The following OPHN1 variants were observed in gnomAD, a reference collection of about 807,000 sequenced individuals.
The protein encoded by OPHN1 is oligophrenin-1.
In OPHN1, 11 loss-of-function variants were observed where a neutral mutation model predicts 60.7. The ratio of observed to expected loss-of-function variants is 0.18; its 90% CI spans 0.11 to 0.30. OPHN1 has a LOEUF of 0.30. Among genes scored for constraint, OPHN1 ranks in the 10% least tolerant of loss-of-function variants. The pLI is 1.00. For missense variants in OPHN1, 449 were observed against 611.0 expected, an observed-to-expected ratio of 0.73 and a Z score of 2.80; for synonymous variants, 226 against 222.6, an observed-to-expected ratio of 1.02 and a Z score of -0.14.
intron 18 of OPHN1, 128 bp downstream of exon 18, chrX:68,111,726 G>T: frequency 1.9e-6 from 1 of 519,879 alleles, no homozygotes; most frequent in Non-Finnish European, 3.4e-6. Context: ...TCCTCACAGA[G>T]CATTCAGCTT....
chrX:68,067,579 G>A (rs1296717047), intron 20 of OPHN1, among the ~76,000 whole-genome samples: 2 of 110,966 alleles, frequency 1.8e-5, no homozygotes, highest in African/African-American at 3.3e-5. Context: ...AAATAGGCTC[G>A]TTCCAATGAA....
chrX:68,155,192 A>C (rs1469279038), intron 15 of OPHN1, among the ~76,000 whole-genome samples: 1 of 112,216 alleles, frequency 8.9e-6, no homozygotes, highest in Non-Finnish European at 1.9e-5. Flanking sequence ...AAAGGCACAG[A>C]TCACTACATA....
chrX:68,129,243 A>T (rs1288258035), intron 15 of OPHN1, among the ~76,000 whole-genome samples: 1 of 111,612 alleles, frequency 9.0e-6, no homozygotes, highest in East Asian at 2.8e-4. Context: ...TAGCACAGAG[A>T]TGACCACTTA....
intron 5 of OPHN1, among the ~76,000 whole-genome samples, chrX:68,271,854 C>T (rs1460162722): frequency 9.1e-6 from 1 of 109,963 alleles, no homozygotes; most frequent in Non-Finnish European, 1.9e-5. Context: ...AGGGGGTCTA[C>T]AGAAGGAAGC....
intron 2 of OPHN1, among the ~76,000 whole-genome samples, chrX:68,423,570 T>C (rs765213311): frequency 3.6e-5 from 4 of 110,668 alleles, no homozygotes; most frequent in African/African-American, 1.3e-4. Flanking sequence ...CTTTACCCAT[T>C]AGCAGTCCCA....
At chrX:68,232,952 G>C (rs2077735622) in intron 6 of OPHN1, among the ~76,000 whole-genome samples, 1 of 98,424 alleles carries the variant, frequency 1.0e-5, no homozygotes, top group East Asian at 3.2e-4. Flanking sequence ...TTTTGAGACA[G>C]AGTTTCGTTC....
At chrX:68,059,648 C>T (rs780217413) in intron 21 of OPHN1, among the ~76,000 whole-genome samples, 2 of 112,075 alleles carry the variant, frequency 1.8e-5, no homozygotes, top group Non-Finnish European at 3.8e-5. Context: ...AGAGTAGATG[C>T]AAATGCCACT....
chrX:68,170,716 G>A (rs2077386351), intron 15 of OPHN1, among the ~76,000 whole-genome samples: 1 of 100,313 alleles, frequency 1.0e-5, no homozygotes, highest in South Asian at 5.0e-4. Flanking sequence ...CTCACTCATA[G>A]GTGGGAACTG....
At chrX:68,156,256 C>T (rs1374888839) in intron 15 of OPHN1, among the ~76,000 whole-genome samples, 1 of 99,850 alleles carries the variant, frequency 1.0e-5, no homozygotes, top group Non-Finnish European at 2.0e-5. Context: ...GTTTAAAATG[C>T]AGATTATCAT....
intron 2 of OPHN1, among the ~76,000 whole-genome samples, chrX:68,321,709 C>T (rs1361405732): frequency 4.5e-5 from 5 of 111,590 alleles, no homozygotes; most frequent in African/African-American, 1.6e-4. Context: ...AGGTGGATCA[C>T]CTGAGGTCAG....
intron 10 of OPHN1, among the ~76,000 whole-genome samples, chrX:68,202,640 C>T (rs1271271352): frequency 9.1e-6 from 1 of 109,642 alleles, no homozygotes; most frequent in African/African-American, 3.3e-5. Flanking sequence ...GCTGGGATTA[C>T]AGGTGCGCAC....
chrX:68,316,786 T>C (rs1035288467), intron 2 of OPHN1, among the ~76,000 whole-genome samples: 2 of 111,540 alleles, frequency 1.8e-5, no homozygotes, highest in African/African-American at 6.5e-5. Context: ...ATCTCAAAAT[T>C]AGGCCATCAG....
At chrX:68,132,757 A>G (rs1177284005) in intron 15 of OPHN1, 2 of 130,367 alleles carry the variant, frequency 1.5e-5, no homozygotes, top group Non-Finnish European at 1.5e-5. Context: ...AAAAAAAAAG[A>G]AAAAAAGAAA....
chrX:68,047,329 T>A (rs1201834156), intron 24 of OPHN1, among the ~76,000 whole-genome samples, 166 bp from the exon 25 acceptor site: 1 of 111,348 alleles, frequency 9.0e-6, no homozygotes, highest in Non-Finnish European at 1.9e-5. Flanking sequence ...TCAAATCTCA[T>A]GAAACAGGCC....
chrX:68,280,654 C>T (rs186471829), intron 4 of OPHN1, among the ~76,000 whole-genome samples: 131 of 111,838 alleles, frequency 1.2e-3, no homozygotes, highest in Non-Finnish European at 2.0e-3. Context: ...GAATTCCCAT[C>T]TTACCATCAT....
At chrX:68,267,578 A>G (rs1453475700) in intron 5 of OPHN1, among the ~76,000 whole-genome samples, 1 of 112,522 alleles carries the variant, frequency 8.9e-6, no homozygotes, top group Admixed American at 9.5e-5. Flanking sequence ...AGAAAGCAGG[A>G]AAGATCTAAA....
chrX:68,319,035 A>C (rs1244444882), intron 2 of OPHN1, among the ~76,000 whole-genome samples: 1 of 111,646 alleles, frequency 9.0e-6, no homozygotes, highest in Non-Finnish European at 1.9e-5. Context: ...TCACCTGGAT[A>C]ACGCAGTGTC....
At chrX:68,207,132 A>T (rs6625283) in intron 9 of OPHN1, among the ~76,000 whole-genome samples, 18 of 96,322 alleles carry the variant, frequency 1.9e-4, no homozygotes, top group Non-Finnish European at 1.3e-4. Context: ...TTTTGTTTTA[A>T]TTTTTTTTTT....
chrX:68,264,881 T>A (rs1399529902), intron 5 of OPHN1, among the ~76,000 whole-genome samples: 2 of 112,507 alleles, frequency 1.8e-5, no homozygotes, highest in Non-Finnish European at 3.8e-5. Context: ...GGAGATTATA[T>A]CCCATGCATG....
Sources: gnomAD v4.1 joint callset for allele counts (sites outside exome capture counted in the v4.1 genomes callset) on GRCh38, gnomAD v4.1.1 for gene constraint, MANE v1.5 for transcripts, NCBI Gene and HGNC (gene_info 2026-07-23, HGNC 2026-07-21) for gene names.